The following RASGRF2 variants were observed in gnomAD, a reference collection of about 807,000 sequenced individuals.
RASGRF2 encodes the protein Ras protein specific guanine nucleotide releasing factor 2, also known as ras-specific guanine nucleotide-releasing factor 2.
RASGRF2 carries 76 observed loss-of-function variants against 151.0 expected under a neutral mutation model. That is an observed-to-expected ratio of 0.50 (90% CI 0.42 to 0.61). The LOEUF is 0.61. RASGRF2 is among the 20% of genes least tolerant of loss of function. RASGRF2 has a pLI of 0.00. For missense variants in RASGRF2, 1,148 were observed against 1,564.6 expected (o/e 0.73, Z 4.49); for synonymous variants, 504 against 566.5 (o/e 0.89, Z 1.57).
intron 5 of RASGRF2, among the ~76,000 whole-genome samples, chr5:81,078,174 A>G (rs1386607231): frequency 6.6e-6 from 1 of 152,200 alleles, no homozygotes; most frequent in Non-Finnish European, 1.5e-5. Flanking sequence ...AGTTTGATAT[A>G]AGCATATGAT....
At chr5:80,979,159 C>G (rs971032890) in intron 1 of RASGRF2, among the ~76,000 whole-genome samples, 1 of 152,148 alleles carries the variant, frequency 6.6e-6, no homozygotes, top group Non-Finnish European at 1.5e-5. Context: ...GGGTAGTTCC[C>G]AATTTCTCCA....
intron 7 of RASGRF2, among the ~76,000 whole-genome samples, chr5:81,085,496 T>G (rs1187138655): frequency 6.6e-6 from 1 of 152,144 alleles, no homozygotes; most frequent in Non-Finnish European, 1.5e-5. Flanking sequence ...TGAACCAGTT[T>G]TCAAAAATTA....
At chr5:81,034,206 C>T (rs1750381024) in intron 1 of RASGRF2, among the ~76,000 whole-genome samples, 1 of 152,152 alleles carries the variant, frequency 6.6e-6, no homozygotes, top group African/African-American at 2.4e-5. Context: ...AAATGCTCAC[C>T]ATCACTGGCC....
At chr5:81,087,442 T>C in intron 9 of RASGRF2, 1 of 650,638 alleles carries the variant, frequency 1.5e-6, no homozygotes, top group Non-Finnish European at 2.8e-6. Context: ...ATTCAACTGG[T>C]AACTCCCGTT....
intron 17 of RASGRF2, among the ~76,000 whole-genome samples, chr5:81,158,854 G>A (rs1395253286): frequency 6.6e-6 from 1 of 152,184 alleles, no homozygotes; most frequent in African/African-American, 2.4e-5. Context: ...AAATGGTACA[G>A]CCACTTGGAA....
chr5:81,201,646 C>A (rs982454353), intron 19 of RASGRF2, among the ~76,000 whole-genome samples: 1 of 152,114 alleles, frequency 6.6e-6, no homozygotes, highest in Non-Finnish European at 1.5e-5. Flanking sequence ...TGGTATAACT[C>A]GTGTGGAGTG....
chr5:80,967,428 T>G (rs1747758313), intron 1 of RASGRF2, among the ~76,000 whole-genome samples: 1 of 152,008 alleles, frequency 6.6e-6, no homozygotes, highest in African/African-American at 2.4e-5. Context: ...TAAAATAAAA[T>G]TTATTGATCC....
intron 9 of RASGRF2, chr5:81,088,047 T>G: frequency 6.6e-6 from 1 of 152,268 alleles, no homozygotes; most frequent in Admixed American, 6.5e-5. Context: ...TAGGAAATGA[T>G]TCCTTTTCTC....
At position 80,960,624 on chromosome 5, in the gene RASGRF2, G is replaced by T. The variant is rs375975609; in HGVS notation, c.-115G>T. The T allele has an allele frequency of 3.6e-4, 368 of 1,025,698 alleles. 2 individuals are homozygous for T. The African/African-American group carries it at 5.6e-3, about 16-fold the overall frequency. The allele number at this position is 1,025,698 out of a possible 1,614,324, so 63.5% of individuals were successfully genotyped here. A position where few individuals can be genotyped will look rare whatever the true frequency, so the allele number is the denominator to read the frequency against. On this transcript the variant is annotated 5_prime_UTR_variant, in exon 1 of 27. Transcript: ENST00000265080. This position sits in a 1 kb window ranked among gnomAD's most constrained non-coding sequence, Gnocchi z 5.5. ...CCTGCGCGCGGCGTGGGGAAAGGGG[G>T]CGCCCTTCGCCGGCCGGGACCTGAG...
At chr5:81,040,206 A>C (rs1450510034) in intron 1 of RASGRF2, among the ~76,000 whole-genome samples, 1 of 151,948 alleles carries the variant, frequency 6.6e-6, no homozygotes, top group Non-Finnish European at 1.5e-5. Flanking sequence ...ACAGGGTCTC[A>C]TTATATTTCC....
chr5:81,096,652 C>T (rs1261155950), intron 12 of RASGRF2: 1 of 152,062 alleles, frequency 6.6e-6, no homozygotes, highest in Non-Finnish European at 1.5e-5. Context: ...CTCAGGTGAC[C>T]TTCTTTAGCA....
chr5:81,092,985 C>A, intron 10 of RASGRF2, 24 bp downstream of exon 10: 2 of 1,575,318 alleles, frequency 1.3e-6, no homozygotes, highest in African/African-American at 1.4e-5. Flanking sequence ...ATAACTGTTC[C>A]ATTTATCTTC....
intron 1 of RASGRF2, among the ~76,000 whole-genome samples, chr5:80,998,534 G>A (rs1050514525): frequency 1.3e-5 from 2 of 152,186 alleles, no homozygotes; most frequent in Admixed American, 1.3e-4. Context: ...TAAGAAATGA[G>A]TTTAAATACA....
At chr5:81,152,391 A>G (rs920951430) in intron 17 of RASGRF2, among the ~76,000 whole-genome samples, 13 of 152,218 alleles carry the variant, frequency 8.5e-5, no homozygotes, top group Non-Finnish European at 1.5e-4. Flanking sequence ...GTTGTCACCA[A>G]TGATTTATAT....
chr5:81,040,702 C>CT (rs1242143322), intron 1 of RASGRF2, among the ~76,000 whole-genome samples: 1 of 152,206 alleles, frequency 6.6e-6, no homozygotes, highest in Non-Finnish European at 1.5e-5. Flanking sequence ...GGCTTTGCCT[C>CT]TCATTTTTGT....
chr5:80,962,359 TTTAAA>T (rs1223078937), intron 1 of RASGRF2, among the ~76,000 whole-genome samples: 10 of 152,106 alleles, frequency 6.6e-5, no homozygotes, highest in African/African-American at 2.2e-4. Context: ...CATTTTAGAA[TTTAAA>T]TTGGGAGAAG....
intron 17 of RASGRF2, among the ~76,000 whole-genome samples, chr5:81,171,745 C>T (rs1754663059): frequency 6.6e-6 from 1 of 152,206 alleles, no homozygotes; most frequent in Admixed American, 6.5e-5. Flanking sequence ...CTCCCACAAA[C>T]ATGTTGTCAC....
chr5:81,095,782 A>G (rs1224267906), intron 12 of RASGRF2, among the ~76,000 whole-genome samples: 2 of 152,228 alleles, frequency 1.3e-5, no homozygotes, highest in African/African-American at 4.8e-5. Context: ...TAATTTATAT[A>G]TAAGACAAGT....
chr5:81,069,422 G>A (rs1171130794), intron 3 of RASGRF2, among the ~76,000 whole-genome samples: 2 of 152,196 alleles, frequency 1.3e-5, no homozygotes, highest in Non-Finnish European at 2.9e-5. Flanking sequence ...CAAAATTATT[G>A]TGTTCTTTCT....
Sources: allele counts gnomAD v4.1 joint callset (sites outside exome capture counted in the v4.1 genomes callset), GRCh38; gene constraint gnomAD v4.1.1; non-coding constraint Gnocchi (gnomAD v3.1); transcripts MANE v1.5; gene names NCBI Gene and HGNC (gene_info 2026-07-23, HGNC 2026-07-21).